SGCZ: variants seen among roughly 807,000 people sequenced by gnomAD.
SGCZ encodes zeta-sarcoglycan.
A neutral mutation model predicts 41.3 loss-of-function variants in SGCZ; 40 were observed. The ratio of observed to expected loss-of-function variants is 0.97; its 90% CI spans 0.75 to 1.26. The LOEUF is 1.26. Among genes scored for constraint, SGCZ ranks in the 50% most tolerant of loss-of-function variants. The probability of loss-of-function intolerance (pLI) is 0.00; values close to 1 mark genes in which losing one functional copy is unlikely to be tolerated. For synonymous variants in SGCZ, 206 were observed against 137.5 expected, an observed-to-expected ratio of 1.50 and a Z score of -3.49; for missense variants, 552 against 369.8, an observed-to-expected ratio of 1.49 and a Z score of -4.04.
intron 1 of SGCZ, among the ~76,000 whole-genome samples, chr8:15,098,996 T>G (rs1277954975): frequency 6.6e-6 from 1 of 151,840 alleles, no homozygotes; most frequent in Non-Finnish European, 1.5e-5. Flanking sequence ...AGACGGAGGT[T>G]GTACTGAGCC....
rs1475815726 is a variant in SGCZ, at chr8:14,239,899, CTCAAAAAAAAAAAAAAAAAA to C, written c.337-2240_337-2221del. Among the ~76,000 whole-genome samples the C allele has an allele frequency of 3.2e-4, 27 of 83,430 alleles. 1 individual carries two copies. The highest frequency in any genetic ancestry group is 1.1e-3 in the African/African-American group (22 of 19,560). The allele number at this position is 83,430 out of a possible 152,430, so 54.7% of individuals were successfully genotyped here. On this transcript the variant is annotated intron_variant, in intron 3 of 7. Transcript: ENST00000382080. ...CCTGGGCGACAGAGCGAGACTCCGT[CTCAAAAAAAAAAAAAAAAAA>C]AAAAAAAAAAAAAAAAAGAATTACT...
At chr8:14,430,656 G>T (rs551185500) in intron 2 of SGCZ, among the ~76,000 whole-genome samples, 1 of 151,926 alleles carries the variant, frequency 6.6e-6, no homozygotes, top group Non-Finnish European at 1.5e-5. Flanking sequence ...GCCCACTCTC[G>T]CCACTCCTCT....
intron 4 of SGCZ, among the ~76,000 whole-genome samples, chr8:14,215,287 TTAAA>T (rs988800316): frequency 2.5e-4 from 38 of 152,154 alleles, no homozygotes; most frequent in African/African-American, 7.7e-4. Context: ...GTCTCAAAAG[TTAAA>T]TAAATACATA....
chr8:15,110,596 T>C lies in SGCZ; in HGVS notation c.39+126989A>G, dbSNP rs188920061. 3.7e-3 allele frequency among the ~76,000 whole-genome samples: 562 copies of C among 152,346 alleles called. 1 individual carries two copies. Among genetic ancestry groups the C allele is most frequent in the African/African-American group, 0.013 (541 of 41,582 alleles). ...GGTGTGCATATCACAATTCACATGA[T>C]GCTCAAGTTTGCTGCCTCCTTCCTT... On this transcript the variant is annotated intron_variant, in intron 1 of 7. Coordinates refer to ENST00000382080, the MANE Select transcript of SGCZ (RefSeq NM_139167.4).
intron 5 of SGCZ, among the ~76,000 whole-genome samples, chr8:14,114,828 T>C (rs1012064156): frequency 2.0e-5 from 3 of 151,986 alleles, no homozygotes; most frequent in African/African-American, 7.2e-5. Context: ...TTACTAGCAG[T>C]TGTTTCTCTG....
chr8:14,421,202 C>T (rs756540421), intron 2 of SGCZ, among the ~76,000 whole-genome samples: 6 of 152,022 alleles, frequency 3.9e-5, no homozygotes, highest in Non-Finnish European at 7.4e-5. Context: ...ATCATAAATA[C>T]CAAAAAGGTA....
At chr8:14,549,111 G>C (rs975873483) in intron 2 of SGCZ, among the ~76,000 whole-genome samples, 4 of 151,946 alleles carry the variant, frequency 2.6e-5, no homozygotes, top group Admixed American at 6.6e-5. Flanking sequence ...CCTTAAGGTA[G>C]AGTAGTATGG....
chr8:14,292,595 T>C (rs1333733303), intron 3 of SGCZ, among the ~76,000 whole-genome samples: 2 of 152,046 alleles, frequency 1.3e-5, no homozygotes, highest in Non-Finnish European at 2.9e-5. Flanking sequence ...ATTCCATGTT[T>C]ATATGCTCTA....
At chr8:14,424,864 C>T (rs1295109758) in intron 2 of SGCZ, among the ~76,000 whole-genome samples, 7 of 152,092 alleles carry the variant, frequency 4.6e-5, no homozygotes, top group African/African-American at 9.7e-5. Flanking sequence ...CTGATTTGAA[C>T]GGCTGGTAAA....
chr8:15,150,457 C>A (rs1585615380), intron 1 of SGCZ, among the ~76,000 whole-genome samples: 3 of 152,268 alleles, frequency 2.0e-5, no homozygotes, highest in Admixed American at 2.0e-4. Context: ...ATAGGTAAAG[C>A]CACGTGATTC....
chr8:14,452,626 T>A (rs1800627950), intron 2 of SGCZ, among the ~76,000 whole-genome samples: 1 of 152,146 alleles, frequency 6.6e-6, no homozygotes. Context: ...TGATGTTCCA[T>A]GGCATGTTCA....
At chr8:14,735,025 T>G (rs1798984279) in intron 1 of SGCZ, among the ~76,000 whole-genome samples, 1 of 152,162 alleles carries the variant, frequency 6.6e-6, no homozygotes, top group Non-Finnish European at 1.5e-5. Context: ...AGTAAACAGT[T>G]TATTCAAATA....
chr8:15,219,453 G>A (rs1267682252), intron 1 of SGCZ, among the ~76,000 whole-genome samples: 1 of 152,030 alleles, frequency 6.6e-6, no homozygotes, highest in Non-Finnish European at 1.5e-5. Flanking sequence ...TTATTCGTTG[G>A]TCAAAAATCA....
chr8:15,208,239 T>C (rs995948279), intron 1 of SGCZ, among the ~76,000 whole-genome samples: 8 of 152,182 alleles, frequency 5.3e-5, no homozygotes, highest in African/African-American at 1.9e-4. Flanking sequence ...AAAGCATTCA[T>C]CAGAACCAGG....
chr8:14,569,242 G>A (rs747519818), intron 1 of SGCZ, among the ~76,000 whole-genome samples: 1 of 152,088 alleles, frequency 6.6e-6, no homozygotes, highest in Admixed American at 6.6e-5. Context: ...TTAATTCATT[G>A]CAGCTGAAAA....
chr8:14,452,439 T>A (rs1002826969), intron 2 of SGCZ, among the ~76,000 whole-genome samples: 3 of 152,002 alleles, frequency 2.0e-5, no homozygotes, highest in African/African-American at 7.3e-5. Context: ...AGAGTGAATA[T>A]TAATGTAAAC....
At position 14,710,105 on chromosome 8, in the gene SGCZ, G is replaced by A. The variant is rs149854433; in HGVS notation, c.40-155179C>T. On this transcript the variant is annotated intron_variant, in intron 1 of 7. Transcript: ENST00000382080. ...TAATGGGCCAGGCGCGGTGGCTCAC[G>A]CCTGTAATCCCAGCACTCTGGGAGG... is the stretch of plus-strand genomic sequence containing the variant. 9.2e-3 allele frequency among the ~76,000 whole-genome samples: 1,403 copies of A among 152,078 alleles called. 26 individuals carry two copies. Among genetic ancestry groups the A allele is most frequent in the African/African-American group, 0.032 (1,342 of 41,484 alleles).
At chr8:14,244,438 G>A (rs149021987) in intron 3 of SGCZ, among the ~76,000 whole-genome samples, 7 of 152,264 alleles carry the variant, frequency 4.6e-5, no homozygotes, top group East Asian at 3.9e-4. Flanking sequence ...CAAAACAAGT[G>A]TTTACTTTGT....
chr8:14,137,698 G>A (rs1213782167), intron 5 of SGCZ, among the ~76,000 whole-genome samples: 12 of 152,152 alleles, frequency 7.9e-5, no homozygotes, highest in South Asian at 2.1e-4. Flanking sequence ...CCAAATCTAC[G>A]TCTGATTGGT....
Sources: gnomAD v4.1 joint callset for allele counts (sites outside exome capture counted in the v4.1 genomes callset) on GRCh38, gnomAD v4.1.1 for gene constraint, MANE v1.5 for transcripts, NCBI Gene and HGNC (gene_info 2026-07-23, HGNC 2026-07-21) for gene names.